VPS41: variants seen among roughly 807,000 people sequenced by gnomAD.
The protein encoded by VPS41 is vacuolar protein sorting-associated protein 41 homolog.
VPS41 carries 85 observed loss-of-function variants against 130.9 expected under a neutral mutation model. That is an observed-to-expected ratio of 0.65 (90% confidence interval 0.55 to 0.78). The LOEUF is 0.78. Ranked by LOEUF, VPS41 falls within the 30% of genes least tolerant of loss-of-function variation. The pLI is 0.00. For synonymous variants in VPS41, 335 were observed against 332.9 expected (o/e 1.01, Z -0.07); for missense variants, 874 against 1,018.7 (o/e 0.86, Z 1.93).
intron 7 of VPS41, among the ~76,000 whole-genome samples, chr7:38,812,923 T>C (rs1000908552): frequency 6.6e-6 from 1 of 152,200 alleles, no homozygotes; most frequent in Non-Finnish European, 1.5e-5. Context: ...AACCCTCATA[T>C]ATTTCTGATG....
At chr7:38,813,256 A>G (rs569448759) in intron 7 of VPS41, among the ~76,000 whole-genome samples, 2 of 152,336 alleles carry the variant, frequency 1.3e-5, no homozygotes, top group South Asian at 4.1e-4. Context: ...GAAAGAAGTT[A>G]GACACAAAGG....
At chr7:38,841,242 T>G (rs1785601651) in intron 4 of VPS41, among the ~76,000 whole-genome samples, 1 of 152,228 alleles carries the variant, frequency 6.6e-6, no homozygotes, top group Non-Finnish European at 1.5e-5. Flanking sequence ...CAGATGTACT[T>G]CATTCCTCAC....
chr7:38,824,332 AC>A (rs1407020624), intron 5 of VPS41, among the ~76,000 whole-genome samples: 2 of 152,178 alleles, frequency 1.3e-5, no homozygotes, highest in Non-Finnish European at 2.9e-5. Flanking sequence ...CCCTGAACAA[AC>A]AAACTCAAAC....
At chr7:38,846,963 C>CA (rs11402811) in intron 4 of VPS41, among the ~76,000 whole-genome samples, 32,461 of 151,990 alleles carry the variant, frequency 0.21, 4,452 homozygotes, top group Non-Finnish European at 0.31. Flanking sequence ...TGCAACTAGG[C>CA]AAAGTATGAC....
At chr7:38,856,483 C>G (rs551756034) in intron 4 of VPS41, among the ~76,000 whole-genome samples, 1 of 152,234 alleles carries the variant, frequency 6.6e-6, no homozygotes, top group South Asian at 2.1e-4. Context: ...CACAGGAGAA[C>G]AGAGAACCAG....
intron 2 of VPS41, among the ~76,000 whole-genome samples, chr7:38,878,059 C>T (rs889703575): frequency 6.6e-6 from 1 of 152,218 alleles, no homozygotes; most frequent in Admixed American, 6.5e-5. Flanking sequence ...CAGGCTGAGA[C>T]TCTAAACCTC....
intron 1 of VPS41, among the ~76,000 whole-genome samples, chr7:38,900,340 G>A (rs1174162320): frequency 2.0e-5 from 3 of 152,044 alleles, no homozygotes; most frequent in South Asian, 2.1e-4. Flanking sequence ...TTACTTATAA[G>A]TAGAAGCTAA....
chr7:38,756,959 C>T lies in VPS41; in HGVS notation c.1574G>A (p.Gly525Asp). The T allele has an allele frequency of 6.3e-7, 1 of 1,597,600 alleles. No individual in the cohort carries two copies. The highest frequency in any genetic ancestry group is 8.6e-7 in the Non-Finnish European group (1 of 1,166,836). Reference protein sequence around the residue: ...AELYTYDKNYGNALEIYLTLR... With the variant: ...AELYTYDKNYDNALEIYLTLR... ...TGTTAAGTATATTTCCAGAGCATTG[C>T]CATAGTTCTTGTCATAGGTGTACCT... is the stretch of plus-strand genomic sequence containing the variant. The change falls in exon 19 of 29, where the codon GGC becomes GAC. Residue 525 changes from glycine to aspartate, a missense_variant. Transcript: ENST00000310301.
At chr7:38,869,018 AAG>A (rs1437215507) in intron 3 of VPS41, 126 bp downstream of exon 3, 1 of 662,526 alleles carries the variant, frequency 1.5e-6, no homozygotes, top group African/African-American at 1.8e-5. Flanking sequence ...GGCAAGGAGG[AAG>A]AGAGCAGTGG....
chr7:38,800,916 T>G (rs1046597420), intron 7 of VPS41, among the ~76,000 whole-genome samples: 15 of 152,236 alleles, frequency 9.9e-5, no homozygotes, highest in African/African-American at 3.6e-4. Context: ...TGTATTAGAA[T>G]GAATTTACAT....
chr7:38,860,875 C>T (rs911170789), intron 4 of VPS41, among the ~76,000 whole-genome samples: 2 of 152,172 alleles, frequency 1.3e-5, no homozygotes, highest in East Asian at 1.9e-4. Flanking sequence ...CTAAAGAGAA[C>T]TTTCAAAAAC....
chr7:38,841,546 C>T (rs1785607943), intron 4 of VPS41, among the ~76,000 whole-genome samples: 1 of 152,208 alleles, frequency 6.6e-6, no homozygotes, highest in African/African-American at 2.4e-5. Flanking sequence ...ACCTGAAACT[C>T]TACTCCACTG....
intron 7 of VPS41, among the ~76,000 whole-genome samples, chr7:38,804,234 T>C (rs1784792697): frequency 6.6e-6 from 1 of 152,072 alleles, no homozygotes; most frequent in Admixed American, 6.6e-5. Flanking sequence ...GTTATGTAGG[T>C]AAACTCGTGC....
intron 5 of VPS41, among the ~76,000 whole-genome samples, chr7:38,822,489 C>A (rs1785191470): frequency 6.6e-6 from 1 of 152,184 alleles, no homozygotes; most frequent in Admixed American, 6.5e-5. Flanking sequence ...TTTAGCCACA[C>A]TGTTGGATAT....
chr7:38,759,107 G>A (rs991965770), intron 17 of VPS41, among the ~76,000 whole-genome samples: 3 of 152,222 alleles, frequency 2.0e-5, no homozygotes, highest in African/African-American at 7.2e-5. Context: ...GTGGTAGTGG[G>A]AATTCCAGTT....
intron 6 of VPS41, among the ~76,000 whole-genome samples, chr7:38,820,944 T>G (rs1785157769): frequency 6.6e-6 from 1 of 151,098 alleles, no homozygotes; most frequent in South Asian, 2.1e-4. Context: ...TGTGTGTGCG[T>G]GCGTGTGTGT....
chr7:38,833,029 C>T (rs368987820), intron 4 of VPS41, among the ~76,000 whole-genome samples: 19 of 152,268 alleles, frequency 1.2e-4, no homozygotes, highest in Middle Eastern at 6.8e-3. Context: ...TCAGTTAATG[C>T]CTTCTGCTTA....
At chr7:38,891,847 T>C (rs972066052) in intron 2 of VPS41, among the ~76,000 whole-genome samples, 4 of 152,152 alleles carry the variant, frequency 2.6e-5, no homozygotes, top group African/African-American at 9.7e-5. Context: ...CAAATTTTTG[T>C]ATTATACAAA....
chr7:38,812,099 C>T (rs188017305), intron 7 of VPS41, among the ~76,000 whole-genome samples: 2 of 152,186 alleles, frequency 1.3e-5, no homozygotes, highest in Admixed American at 1.3e-4. Context: ...ATCAGGACAA[C>T]CTCAACTGTA....
Sources: gnomAD v4.1 joint callset for allele counts (sites outside exome capture counted in the v4.1 genomes callset) on GRCh38, gnomAD v4.1.1 for gene constraint, MANE v1.5 for transcripts, NCBI Gene and HGNC (gene_info 2026-07-23, HGNC 2026-07-21) for gene names.